The following SLC25A26 variants were observed in gnomAD, a reference collection of about 807,000 sequenced individuals.
SLC25A26 encodes the protein mitochondrial S-adenosylmethionine carrier protein.
SLC25A26 carries 36 observed loss-of-function variants against 37.8 expected under a neutral mutation model. That is an observed-to-expected ratio of 0.95 (90% CI 0.73 to 1.26). The LOEUF (loss-of-function observed/expected upper bound fraction) is 1.26. SLC25A26 is among the 50% of genes most tolerant of loss of function. The pLI is 0.00. For synonymous variants in SLC25A26, 129 were observed against 122.5 expected, an observed-to-expected ratio of 1.05 and a Z score of -0.35; for missense variants, 390 against 331.1, an observed-to-expected ratio of 1.18 and a Z score of -1.38.
chr3:66,323,685 G>A (rs1338300184), intron 5 of SLC25A26, among the ~76,000 whole-genome samples: 1 of 152,146 alleles, frequency 6.6e-6, no homozygotes, highest in Non-Finnish European at 1.5e-5. Context: ...CTAGTGGTGC[G>A]TGCCTGTAGT....
At chr3:66,134,825 C>T (rs570441212) in intron 1 of SLC25A26, among the ~76,000 whole-genome samples, 23 of 132,444 alleles carry the variant, frequency 1.7e-4, no homozygotes, top group Non-Finnish European at 3.5e-4. Flanking sequence ...CTTTTCTTTC[C>T]TTTATTTTTT....
At chr3:66,147,071 TCCCTTCCCTC>T (rs1559550366) in intron 1 of SLC25A26, among the ~76,000 whole-genome samples, 2 of 17,540 alleles carry the variant, frequency 1.1e-4, no homozygotes, top group Non-Finnish European at 2.2e-4. Flanking sequence ...TCCCTCCCCT[TCCCTTCCCTC>T]CCCTCCCCTC....
intron 5 of SLC25A26, among the ~76,000 whole-genome samples, chr3:66,289,458 C>G (rs953180540): frequency 1.3e-5 from 2 of 152,134 alleles, no homozygotes; most frequent in African/African-American, 2.4e-5. Context: ...GGTTTTAGGT[C>G]TAACGTTTAA....
chr3:66,278,401 C>T (rs1056790128), intron 5 of SLC25A26, among the ~76,000 whole-genome samples: 5 of 152,058 alleles, frequency 3.3e-5, no homozygotes, highest in Non-Finnish European at 7.4e-5. Context: ...CCTGCCCATC[C>T]CTCTCCATTC....
chr3:66,179,029 G>A (rs369838876), intron 1 of SLC25A26, among the ~76,000 whole-genome samples: 11 of 152,222 alleles, frequency 7.2e-5, no homozygotes, highest in African/African-American at 1.4e-4. Flanking sequence ...TTATCTGTAC[G>A]TTTTGTCATA....
chr3:66,359,151 G>A (rs892919437), intron 6 of SLC25A26, among the ~76,000 whole-genome samples: 1 of 152,190 alleles, frequency 6.6e-6, no homozygotes, highest in Non-Finnish European at 1.5e-5. Context: ...GTTTTTAAAT[G>A]TTGTCTTCAG....
chr3:66,138,734 C>G (rs1241346436), intron 1 of SLC25A26, among the ~76,000 whole-genome samples: 1 of 152,058 alleles, frequency 6.6e-6, no homozygotes. Context: ...GCCAGAGGTT[C>G]CTCTTCACAA....
rs567228028 is a variant in SLC25A26 at position 66,303,949 on chromosome 3, C to G, written c.453+40570C>G. ...ATTGGATGGTGACCACACTTTACTT[C>G]CAGAGGCTGCTCTGAGGTCCTTGCC... On this transcript the variant is annotated intron_variant, in intron 5 of 9. Coordinates refer to ENST00000354883, the MANE Select transcript of SLC25A26 (RefSeq NM_001379210.1). 1.1e-4 allele frequency among the ~76,000 whole-genome samples: 16 copies of G among 152,314 alleles called. No individual in the cohort carries two copies. The South Asian group carries it at 2.9e-3, about 28-fold the overall frequency.
intron 1 of SLC25A26, among the ~76,000 whole-genome samples, chr3:66,196,618 T>G (rs2071047434): frequency 1.3e-5 from 2 of 152,130 alleles, no homozygotes; most frequent in African/African-American, 4.8e-5. Context: ...AGTGTTTAAC[T>G]ATAGCCTTAA....
At chr3:66,138,059 C>G (rs2069974473) in intron 1 of SLC25A26, among the ~76,000 whole-genome samples, 1 of 152,114 alleles carries the variant, frequency 6.6e-6, no homozygotes. Flanking sequence ...GTCTCGAACT[C>G]CTGACCTCAA....
chr3:66,298,439 GATTT>G (rs1181469344), intron 5 of SLC25A26, among the ~76,000 whole-genome samples: 1 of 152,114 alleles, frequency 6.6e-6, no homozygotes, highest in Non-Finnish European at 1.5e-5. Context: ...AAGTAAATAT[GATTT>G]ATTTCTTTGT....
At chr3:66,252,077 T>A (rs2073106474) in intron 3 of SLC25A26, among the ~76,000 whole-genome samples, 1 of 152,204 alleles carries the variant, frequency 6.6e-6, no homozygotes, top group East Asian at 1.9e-4. Flanking sequence ...TTATTGCCAC[T>A]GCATTGTAAA....
At chr3:66,331,404 A>C (rs752743848) in intron 5 of SLC25A26, among the ~76,000 whole-genome samples, 12 of 152,110 alleles carry the variant, frequency 7.9e-5, no homozygotes, top group African/African-American at 1.2e-4. Context: ...TTGTTACTTA[A>C]TACCCTTTAA....
intron 1 of SLC25A26, among the ~76,000 whole-genome samples, chr3:66,230,563 G>C (rs2071966492): frequency 6.6e-6 from 1 of 152,000 alleles, no homozygotes; most frequent in Non-Finnish European, 1.5e-5. Flanking sequence ...CAGCACTTTG[G>C]GAGGCTGAGG....
intron 5 of SLC25A26, among the ~76,000 whole-genome samples, chr3:66,295,689 G>T (rs1198929370): frequency 6.6e-6 from 1 of 151,834 alleles, no homozygotes; most frequent in Admixed American, 6.6e-5. Context: ...TAATAGAGAC[G>T]AGGTTTCACC....
At chr3:66,233,744 T>C (rs782500363) in intron 1 of SLC25A26, among the ~76,000 whole-genome samples, 15 of 152,212 alleles carry the variant, frequency 9.9e-5, no homozygotes, top group Admixed American at 5.2e-4. Flanking sequence ...TTGAGTTATA[T>C]AGAAGTTTGA....
At chr3:66,300,209 G>T (rs531981927) in intron 5 of SLC25A26, among the ~76,000 whole-genome samples, 5 of 147,686 alleles carry the variant, frequency 3.4e-5, no homozygotes, top group African/African-American at 1.2e-4. Context: ...CTTAAATCCC[G>T]TTACAGTGAA....
At position 66,352,442 on chromosome 3, in the gene SLC25A26, G is replaced by GT. The variant is rs58389048; in HGVS notation, c.498+6045dup. Among the ~76,000 whole-genome samples, 945 of 128,934 alleles carry GT rather than the reference G, an allele frequency of 7.3e-3. 43 individuals are homozygous for GT. The highest frequency in any genetic ancestry group is 0.025 in the African/African-American group (855 of 34,094). 84.6% of individuals were successfully genotyped at this position (128,934 alleles called of 152,430 possible). A position where few individuals can be genotyped will look rare whatever the true frequency, so the allele number is the denominator to read the frequency against. On this transcript the variant is annotated intron_variant, in intron 6 of 9. Coordinates refer to ENST00000354883, the MANE Select transcript of SLC25A26 (RefSeq NM_001379210.1). The stretch of plus-strand genomic sequence containing the variant: ...CCTCGTTTTTTGTTTTTTGTTTTTT[G>GT]TTTTTTTTTTTGAGATGTACCAAGG...
chr3:66,177,626 C>G (rs530362231), intron 1 of SLC25A26, among the ~76,000 whole-genome samples: 14 of 152,318 alleles, frequency 9.2e-5, no homozygotes, highest in Middle Eastern at 6.8e-3. Flanking sequence ...CATCGTCTGT[C>G]CTGTGACTGC....
Sources: gnomAD v4.1 joint callset for allele counts (sites outside exome capture counted in the v4.1 genomes callset) on GRCh38, gnomAD v4.1.1 for gene constraint, MANE v1.5 for transcripts, NCBI Gene and HGNC (gene_info 2026-07-23, HGNC 2026-07-21) for gene names.